SNTG2: variants seen among roughly 807,000 people sequenced by gnomAD.
SNTG2 encodes gamma-2-syntrophin.
A neutral mutation model predicts 70.9 loss-of-function variants in SNTG2; 74 were observed. That is an observed-to-expected ratio of 1.04 (90% CI 0.86 to 1.27). SNTG2 has a LOEUF of 1.27. Ranked by LOEUF, SNTG2 falls within the 50% of genes most tolerant of loss-of-function variation. The probability of loss-of-function intolerance (pLI) is 0.00; values close to 1 mark genes in which losing one functional copy is unlikely to be tolerated. For missense variants in SNTG2, 717 were observed against 690.7 expected (o/e 1.04, Z -0.43); for synonymous variants, 278 against 273.8 (o/e 1.02, Z -0.15).
intron 1 of SNTG2, among the ~76,000 whole-genome samples, chr2:1,065,988 TAGCAATAA>T (rs1450993923): frequency 6.6e-6 from 1 of 152,232 alleles, no homozygotes; most frequent in Non-Finnish European, 1.5e-5. Flanking sequence ...TAGGAAACTG[TAGCAATAA>T]TGATTTCATT....
chr2:1,296,967 C>G (rs1186189950), intron 14 of SNTG2, among the ~76,000 whole-genome samples: 1 of 152,212 alleles, frequency 6.6e-6, no homozygotes, highest in East Asian at 1.9e-4. Flanking sequence ...GAAAGCAGAA[C>G]AGAACATCCA....
intron 1 of SNTG2, among the ~76,000 whole-genome samples, chr2:1,079,889 C>G (rs929136480): frequency 6.6e-6 from 1 of 152,234 alleles, no homozygotes; most frequent in African/African-American, 2.4e-5. Flanking sequence ...CTGTTCTTGT[C>G]CTGAATAACG....
At chr2:1,251,841 C>T (rs947379666) in intron 12 of SNTG2, among the ~76,000 whole-genome samples, 1 of 152,098 alleles carries the variant, frequency 6.6e-6, no homozygotes, top group Non-Finnish European at 1.5e-5. Flanking sequence ...CACATGCACA[C>T]CCCATGCACA....
At chr2:1,227,397 CG>C (rs113621991) in intron 9 of SNTG2, among the ~76,000 whole-genome samples, 5 of 152,348 alleles carry the variant, frequency 3.3e-5, no homozygotes, top group African/African-American at 9.6e-5. Context: ...GGAGGACAGT[CG>C]GCCCCTGGCT....
intron 1 of SNTG2, among the ~76,000 whole-genome samples, chr2:981,563 C>T (rs1338151570): frequency 6.6e-6 from 1 of 151,970 alleles, no homozygotes; most frequent in Non-Finnish European, 1.5e-5. Context: ...ACACACATGC[C>T]TGCACACACA....
At chr2:962,510 G>C (rs1473387979) in intron 1 of SNTG2, among the ~76,000 whole-genome samples, 2 of 152,124 alleles carry the variant, frequency 1.3e-5, no homozygotes, top group Non-Finnish European at 2.9e-5. Flanking sequence ...CCAGTTGCTG[G>C]AGTAGCTGCA....
At chr2:1,016,979 G>C (rs1659914755) in intron 1 of SNTG2, among the ~76,000 whole-genome samples, 1 of 152,160 alleles carries the variant, frequency 6.6e-6, no homozygotes. Flanking sequence ...CTGGTAAGAG[G>C]TTCAGTTGGC....
At chr2:1,262,690 G>A (rs1202757989) in intron 13 of SNTG2, among the ~76,000 whole-genome samples, 1 of 141,852 alleles carries the variant, frequency 7.0e-6, no homozygotes, top group Admixed American at 7.0e-5. Flanking sequence ...CAACCGGAAG[G>A]CTCCGTCCAG....
intron 1 of SNTG2, among the ~76,000 whole-genome samples, chr2:1,018,591 T>C (rs543519082): frequency 5.1e-4 from 78 of 152,032 alleles, no homozygotes; most frequent in African/African-American, 1.8e-3. Context: ...GTGAGAAAGT[T>C]TGGAAAAGGA....
intron 12 of SNTG2, among the ~76,000 whole-genome samples, chr2:1,258,045 T>C (rs1034319729): frequency 6.5e-4 from 99 of 152,274 alleles, no homozygotes; most frequent in Admixed American, 2.0e-3. Context: ...AATTCTGTAT[T>C]TGCCAGTAAT....
intron 1 of SNTG2, among the ~76,000 whole-genome samples, chr2:1,066,055 T>C (rs1368176222): frequency 6.6e-6 from 1 of 152,222 alleles, no homozygotes; most frequent in Non-Finnish European, 1.5e-5. Flanking sequence ...GAAATTCAAA[T>C]CATTATAACT....
chr2:953,837 A>G (rs777106537), intron 1 of SNTG2, among the ~76,000 whole-genome samples: 2 of 152,196 alleles, frequency 1.3e-5, no homozygotes, highest in African/African-American at 4.8e-5. Context: ...ATGTGGAGCA[A>G]CAGCTTCTTG....
intron 16 of SNTG2, among the ~76,000 whole-genome samples, chr2:1,335,604 T>C (rs1478077607): frequency 6.6e-6 from 1 of 152,004 alleles, no homozygotes; most frequent in Non-Finnish European, 1.5e-5. Flanking sequence ...CTAAGATAAA[T>C]TAAAAATTAG....
intron 1 of SNTG2, among the ~76,000 whole-genome samples, chr2:998,562 C>A (rs191594442): frequency 1.3e-5 from 2 of 151,390 alleles, no homozygotes; most frequent in African/African-American, 4.8e-5. Context: ...GAAAGAATCT[C>A]AAGAGTTTGA....
At position 1,316,314 on chromosome 2, in the gene SNTG2, A is replaced by T; in HGVS notation, c.1427A>T (p.Asp476Val). The change falls in exon 16 of 17, where the codon GAT (aspartate) becomes GTT (valine). Residue 476 changes from aspartate to valine, a missense_variant. Physicochemically the swap from Asp to Val is radical, Grantham distance 152 (BLOSUM62 -3). Coordinates refer to ENST00000308624, the MANE Select transcript of SNTG2 (RefSeq NM_018968.4). ...KFSQLKGSSD[D>V]GKTRVKLLFQ... ...TCCCAGCTTAAGGGATCTTCAGATG[A>T]TGGGAAAACTCGAGTAAAGCTGCTG... is the stretch of plus-strand genomic sequence containing the variant. The T allele has an allele frequency of 6.4e-7, 1 of 1,550,770 alleles. No individual in the cohort carries two copies. The highest frequency in any genetic ancestry group is 8.7e-7 in the Non-Finnish European group (1 of 1,146,314).
In SNTG2 at chr2:1,021,223, G is replaced by A. The variant is rs893069156; in HGVS notation, c.73-62295G>A. 3.3e-5 allele frequency among the ~76,000 whole-genome samples: 5 copies of A among 151,996 alleles called. No individual in the cohort carries two copies. In the East Asian group the frequency reaches 7.7e-4, roughly 23 times the overall value. On this transcript the variant is annotated intron_variant, in intron 1 of 16. Coordinates refer to ENST00000308624, the MANE Select transcript of SNTG2 (RefSeq NM_018968.4). ...TACATGGTGCACTACAGTCAGTTAC[G>A]GTAGCTACTATCTTTGACAGTTAAA...
chr2:1,196,921 T>C (rs904700320), intron 8 of SNTG2, among the ~76,000 whole-genome samples: 3 of 151,862 alleles, frequency 2.0e-5, no homozygotes, highest in Non-Finnish European at 4.4e-5. Flanking sequence ...TCTACCATCA[T>C]GAAAAAACAT....
At chr2:1,134,870 G>A (rs748244522) in intron 4 of SNTG2, among the ~76,000 whole-genome samples, 1 of 152,188 alleles carries the variant, frequency 6.6e-6, no homozygotes, top group Admixed American at 6.5e-5. Context: ...CCTGCCCCGC[G>A]GGGAGGCAGC....
chr2:1,265,450 A>T (rs562364990), intron 13 of SNTG2, among the ~76,000 whole-genome samples: 2 of 152,278 alleles, frequency 1.3e-5, no homozygotes, highest in South Asian at 4.1e-4. Context: ...TCACGTGCAC[A>T]CACCACAAGG....
Sources: gnomAD v4.1 joint callset for allele counts (sites outside exome capture counted in the v4.1 genomes callset) on GRCh38, gnomAD v4.1.1 for gene constraint, MANE v1.5 for transcripts, NCBI Gene and HGNC (gene_info 2026-07-23, HGNC 2026-07-21) for gene names.